The following CDYL2 variants were observed in gnomAD, a reference collection of about 807,000 sequenced individuals.
CDYL2 encodes chromodomain Y-like protein 2.
A neutral mutation model predicts 49.4 loss-of-function variants in CDYL2; 23 were observed. That is an observed-to-expected ratio of 0.47 (90% CI 0.34 to 0.66). The LOEUF (loss-of-function observed/expected upper bound fraction) is 0.66. Ranked by LOEUF, CDYL2 falls within the 30% of genes least tolerant of loss-of-function variation. The pLI, the probability that CDYL2 is intolerant of heterozygous loss-of-function variation, is 0.01. For missense variants in CDYL2, 678 were observed against 656.4 expected (o/e 1.03, Z -0.36); for synonymous variants, 360 against 268.8 (o/e 1.34, Z -3.32).
At chr16:80,712,343 G>T (rs1488080286) in intron 1 of CDYL2, among the ~76,000 whole-genome samples, 1 of 151,742 alleles carries the variant, frequency 6.6e-6, no homozygotes, top group Non-Finnish European at 1.5e-5. Flanking sequence ...AAGACCCCCA[G>T]TGCAAACTAT....
In CDYL2 at chr16:80,757,195, G is replaced by A. The variant is rs145564496; in HGVS notation, c.24+46955C>T. Among the ~76,000 whole-genome samples, 265 of 152,204 alleles carry A rather than the reference G, an allele frequency of 1.7e-3. 2 individuals are homozygous for A. Among genetic ancestry groups the A allele is most frequent in the African/African-American group, 6.2e-3 (259 of 41,538 alleles). On this transcript the variant is annotated intron_variant, in intron 1 of 6. Coordinates refer to ENST00000570137, the MANE Select transcript of CDYL2 (RefSeq NM_152342.4). ...GTTAAAATATCAACTAAGACAAGCA[G>A]ACTTTAATAACTAAAAGAGAGTCAC... is the stretch of plus-strand genomic sequence containing the variant.
chr16:80,653,258 G>T (rs778651105), intron 2 of CDYL2, among the ~76,000 whole-genome samples: 6 of 152,220 alleles, frequency 3.9e-5, no homozygotes, highest in Admixed American at 6.5e-5. Context: ...CTGAGGTCAG[G>T]AGTTTGAGAC....
chr16:80,753,786 G>C (rs1209719883), intron 1 of CDYL2, among the ~76,000 whole-genome samples: 2 of 152,086 alleles, frequency 1.3e-5, no homozygotes, highest in South Asian at 4.1e-4. Context: ...AGATAAACTA[G>C]ACTCCATTAA....
chr16:80,694,215 T>C (rs773751844), intron 1 of CDYL2, among the ~76,000 whole-genome samples: 1 of 152,184 alleles, frequency 6.6e-6, no homozygotes, highest in African/African-American at 2.4e-5. Flanking sequence ...CGTACTCCTA[T>C]GAGAATCTAA....
intron 2 of CDYL2, among the ~76,000 whole-genome samples, chr16:80,651,898 A>G (rs977360551): frequency 1.3e-5 from 2 of 152,192 alleles, no homozygotes; most frequent in Non-Finnish European, 2.9e-5. Flanking sequence ...AGATGGTGGG[A>G]CTTAGGTTTT....
intron 1 of CDYL2, among the ~76,000 whole-genome samples, chr16:80,689,121 C>T (rs1910312564): frequency 6.6e-6 from 1 of 152,186 alleles, no homozygotes; most frequent in African/African-American, 2.4e-5. Flanking sequence ...TGTGTACACA[C>T]CCCCACCAGC....
chr16:80,628,592 C>T (rs1449482194), intron 3 of CDYL2, among the ~76,000 whole-genome samples: 2 of 152,196 alleles, frequency 1.3e-5, no homozygotes, highest in African/African-American at 4.8e-5. Context: ...CTGAGCCATG[C>T]CCAGATTCCT....
intron 1 of CDYL2, among the ~76,000 whole-genome samples, chr16:80,689,303 T>A (rs533214603): frequency 6.6e-6 from 1 of 152,336 alleles, no homozygotes; most frequent in Admixed American, 6.5e-5. Context: ...GGATGCCACC[T>A]GGATGGCTGT....
intron 1 of CDYL2, among the ~76,000 whole-genome samples, chr16:80,716,954 A>T (rs527763692): frequency 6.6e-6 from 1 of 150,472 alleles, no homozygotes. Context: ...TAATGGATGG[A>T]TGGGCAGATG....
At chr16:80,760,650 AAC>A (rs1041041143) in intron 1 of CDYL2, among the ~76,000 whole-genome samples, 3 of 152,048 alleles carry the variant, frequency 2.0e-5, no homozygotes, top group Admixed American at 2.0e-4. Context: ...TAAAAAGAAA[AAC>A]AGTGTCAAAA....
chr16:80,715,326 A>C (rs2142517418), intron 1 of CDYL2, among the ~76,000 whole-genome samples: 1 of 152,270 alleles, frequency 6.6e-6, no homozygotes, highest in East Asian at 1.9e-4. Context: ...ACCATAGTCA[A>C]CAATGATTGA....
chr16:80,785,973 C>A (rs1162126364), intron 1 of CDYL2, among the ~76,000 whole-genome samples: 2 of 152,088 alleles, frequency 1.3e-5, no homozygotes, highest in Non-Finnish European at 2.9e-5. Flanking sequence ...CAAGATGGAT[C>A]AAAGACTTAA....
intron 2 of CDYL2, among the ~76,000 whole-genome samples, chr16:80,671,975 C>G (rs139624674): frequency 6.6e-6 from 1 of 152,278 alleles, no homozygotes; most frequent in East Asian, 1.9e-4. Flanking sequence ...TTGGGTATAC[C>G]TTATCCAAAA....
intron 1 of CDYL2, among the ~76,000 whole-genome samples, chr16:80,725,491 G>A (rs150817646): frequency 1.3e-5 from 2 of 152,246 alleles, no homozygotes; most frequent in Non-Finnish European, 2.9e-5. Context: ...CATAGCTCCT[G>A]GCCCACAGTA....
At chr16:80,785,652 C>G (rs1396923956) in intron 1 of CDYL2, among the ~76,000 whole-genome samples, 2 of 152,098 alleles carry the variant, frequency 1.3e-5, no homozygotes, top group African/African-American at 2.4e-5. Flanking sequence ...CCCGCATAGC[C>G]AAGACAATCT....
At chr16:80,739,416 T>G (rs1054726475) in intron 1 of CDYL2, among the ~76,000 whole-genome samples, 2 of 152,188 alleles carry the variant, frequency 1.3e-5, no homozygotes, top group Non-Finnish European at 2.9e-5. Context: ...TTTTATGTTA[T>G]ATGTATTTTA....
intron 2 of CDYL2, among the ~76,000 whole-genome samples, chr16:80,676,571 G>T (rs1909752152): frequency 6.6e-6 from 1 of 152,204 alleles, no homozygotes; most frequent in South Asian, 2.1e-4. Flanking sequence ...TAAAGGCAAT[G>T]AACTGGGGTC....
chr16:80,641,008 T>G (rs1908061511), intron 2 of CDYL2, among the ~76,000 whole-genome samples: 2 of 151,688 alleles, frequency 1.3e-5, no homozygotes, highest in African/African-American at 4.9e-5. Flanking sequence ...AAAGAGGAGG[T>G]AGGGAAAAAG....
chr16:80,700,753 A>G (rs1456992251), intron 1 of CDYL2, among the ~76,000 whole-genome samples: 1 of 152,256 alleles, frequency 6.6e-6, no homozygotes, highest in Non-Finnish European at 1.5e-5. Context: ...TGCAAATTAA[A>G]ATGTACAACC....
Sources: allele counts gnomAD v4.1 joint callset (sites outside exome capture counted in the v4.1 genomes callset), GRCh38; gene constraint gnomAD v4.1.1; transcripts MANE v1.5; gene names NCBI Gene and HGNC (gene_info 2026-07-23, HGNC 2026-07-21).